AUTS2: variants seen among roughly 807,000 people sequenced by gnomAD.
AUTS2 encodes autism susceptibility gene 2 protein.
A neutral mutation model predicts 112.4 loss-of-function variants in AUTS2; 17 were observed. The observed-to-expected ratio is 0.15, with a 90% CI of 0.10 to 0.23. AUTS2 has a LOEUF of 0.23. AUTS2 is among the 10% of genes least tolerant of loss of function. The probability of loss-of-function intolerance (pLI) is 1.00; values close to 1 mark genes in which losing one functional copy is unlikely to be tolerated. For missense variants in AUTS2, 1,510 were observed against 1,701.6 expected (o/e 0.89, Z 1.98); for synonymous variants, 751 against 702.7 (o/e 1.07, Z -1.09).
intron 2 of AUTS2, among the ~76,000 whole-genome samples, chr7:70,108,632 G>A (rs1488663086): frequency 6.6e-6 from 1 of 151,664 alleles, no homozygotes; most frequent in Non-Finnish European, 1.5e-5. Flanking sequence ...ATCTGTAAAG[G>A]ACTCTGCTTT....
intron 4 of AUTS2, among the ~76,000 whole-genome samples, chr7:70,234,248 T>C (rs1307860705): frequency 1.3e-5 from 2 of 152,156 alleles, no homozygotes; most frequent in African/African-American, 4.8e-5. Context: ...CCAGTATGGA[T>C]ACTAAATGGG....
At chr7:69,870,382 A>G (rs1258683552) in intron 1 of AUTS2, among the ~76,000 whole-genome samples, 1 of 147,556 alleles carries the variant, frequency 6.8e-6, no homozygotes, top group East Asian at 2.0e-4. Flanking sequence ...GACTTAAGGA[A>G]TAATATTAAG....
intron 5 of AUTS2, among the ~76,000 whole-genome samples, chr7:70,639,567 T>A (rs1805702062): frequency 7.2e-6 from 1 of 138,906 alleles, no homozygotes; most frequent in Non-Finnish European, 1.5e-5. Flanking sequence ...CAGTGAGCTA[T>A]GATTACACCA....
intron 5 of AUTS2, among the ~76,000 whole-genome samples, chr7:70,582,740 A>G (rs1415987476): frequency 6.6e-6 from 1 of 152,208 alleles, no homozygotes; most frequent in Non-Finnish European, 1.5e-5. Flanking sequence ...TGAGCCTTCT[A>G]CAAGGCCAGA....
At chr7:70,704,068 G>A (rs1005244016) in intron 6 of AUTS2, among the ~76,000 whole-genome samples, 14 of 152,134 alleles carry the variant, frequency 9.2e-5, no homozygotes, top group African/African-American at 2.9e-4. Context: ...GAGCGTTCTT[G>A]GAAACAGATG....
Position 69,645,075 on chromosome 7 carries a change from A to ATTT in AUTS2, c.309+45127_309+45129dup, listed in dbSNP as rs34549998. Reference sequence around the variant, plus strand: ...TGGCACCTACCACCACACCCAGTTAATTTTTTTTTTTTTTTTGGTAGAGAT... The same window carrying ATTT: ...TGGCACCTACCACCACACCCAGTTAATTTTTTTTTTTTTTTTTTTGGTAGAGAT... On this transcript the variant is annotated intron_variant, in intron 1 of 18. Transcript: ENST00000342771. Among the ~76,000 whole-genome samples, 805 of 139,724 alleles carry ATTT rather than the reference A, an allele frequency of 5.8e-3. 14 individuals carry two copies. Among genetic ancestry groups the ATTT allele is most frequent in the Middle Eastern group, 0.018 (5 of 276 alleles). The allele number at this position is 139,724 out of a possible 152,430, so 91.7% of individuals were successfully genotyped here. A position where few individuals can be genotyped will look rare whatever the true frequency, so the allele number is the denominator to read the frequency against.
At chr7:69,673,525 T>A in intron 1 of AUTS2, among the ~76,000 whole-genome samples, 1 of 152,242 alleles carries the variant, frequency 6.6e-6, no homozygotes, top group Middle Eastern at 3.2e-3. Context: ...TATTGCTTCC[T>A]TCACTTATCC....
At position 70,758,818 on chromosome 7, in the gene AUTS2, C is replaced by G. The variant is rs147332244; in HGVS notation, c.743-4052C>G. Among the ~76,000 whole-genome samples, 234 of 152,190 alleles carry G rather than the reference C, an allele frequency of 1.5e-3. 1 individual carries two copies. Among genetic ancestry groups the G allele is most frequent in the Non-Finnish European group, 2.8e-3 (193 of 68,012 alleles). On this transcript the variant is annotated intron_variant, in intron 6 of 18. Coordinates refer to ENST00000342771, the MANE Select transcript of AUTS2 (RefSeq NM_015570.4). The stretch of plus-strand genomic sequence containing the variant: ...AAGTACAGTAAGACAAATTGACTGT[C>G]AAGATGGAAAAGCTTAACTGGGAAG...
intron 8 of AUTS2, among the ~76,000 whole-genome samples, chr7:70,765,312 C>T (rs376694315): frequency 2.6e-5 from 4 of 152,250 alleles, no homozygotes; most frequent in African/African-American, 9.6e-5. Flanking sequence ...TGTCCCGTGT[C>T]GTCTGGGCTC....
chr7:69,946,803 A>G (rs1018349049), intron 2 of AUTS2, among the ~76,000 whole-genome samples: 1 of 152,182 alleles, frequency 6.6e-6, no homozygotes, highest in African/African-American at 2.4e-5. Context: ...AAGTATATAA[A>G]GTGCTTTATG....
At position 70,118,208 on chromosome 7, in the gene AUTS2, G is replaced by A. The variant is rs1805486794; in HGVS notation, c.599G>A (p.Ser200Asn). 4 of 1,602,418 alleles carry A rather than the reference G, an allele frequency of 2.5e-6. No homozygotes were observed. The highest frequency in any genetic ancestry group is 1.1e-5 in the South Asian group (1 of 90,114). ...ASGESKGFHR[S>N]SSRERLSDSS... ...GGAGAATCCAAGGGCTTCCACCGGA[G>A]CAGCTCTCGGGAAAGGCTCAGTGAT... is the stretch of plus-strand genomic sequence containing the variant. The change falls in exon 3 of 19, where the codon AGC (serine) becomes AAC (asparagine). Residue 200 changes from serine to asparagine, a missense_variant. Physicochemically the swap from Ser to Asn is conservative, Grantham distance 46. Transcript: ENST00000342771.
chr7:70,772,098 C>T (rs948011459), intron 11 of AUTS2, among the ~76,000 whole-genome samples: 1 of 152,148 alleles, frequency 6.6e-6, no homozygotes, highest in Non-Finnish European at 1.5e-5. Context: ...CCTATGAATT[C>T]TCATTCTCCC....
intron 1 of AUTS2, among the ~76,000 whole-genome samples, chr7:69,827,366 C>T (rs1791295411): frequency 6.6e-6 from 1 of 151,992 alleles, no homozygotes; most frequent in Admixed American, 6.6e-5. Context: ...TGTGTGTTTG[C>T]GCAGCACACT....
intron 1 of AUTS2, among the ~76,000 whole-genome samples, chr7:69,872,329 A>C (rs549659122): frequency 2.0e-5 from 3 of 152,258 alleles, no homozygotes; most frequent in African/African-American, 7.2e-5. Context: ...ACATCAATCC[A>C]TTGTGCCTTT....
intron 4 of AUTS2, among the ~76,000 whole-genome samples, chr7:70,274,059 C>T (rs932634884): frequency 2.6e-5 from 4 of 151,902 alleles, no homozygotes; most frequent in Non-Finnish European, 5.9e-5. Context: ...CTTTGCTTTC[C>T]TCTCTTTTGA....
At chr7:69,775,523 C>A (rs557186465) in intron 1 of AUTS2, among the ~76,000 whole-genome samples, 12 of 152,104 alleles carry the variant, frequency 7.9e-5, no homozygotes, top group African/African-American at 2.9e-4. Context: ...TGAGTCAGGT[C>A]ACCTTATGTT....
At chr7:70,180,722 C>A (rs951207588) in intron 4 of AUTS2, among the ~76,000 whole-genome samples, 3 of 150,250 alleles carry the variant, frequency 2.0e-5, no homozygotes, top group Non-Finnish European at 4.4e-5. Context: ...TGCAGCTGCA[C>A]AAGCCTGTCG....
At chr7:70,123,085 A>G (rs1805773209) in intron 3 of AUTS2, among the ~76,000 whole-genome samples, 1 of 152,048 alleles carries the variant, frequency 6.6e-6, no homozygotes, top group Non-Finnish European at 1.5e-5. Context: ...CATGTTGGCC[A>G]GGCTGGTCTC....
At chr7:70,628,002 C>T (rs1232331289) in intron 5 of AUTS2, among the ~76,000 whole-genome samples, 2 of 152,154 alleles carry the variant, frequency 1.3e-5, no homozygotes, top group East Asian at 1.9e-4. Flanking sequence ...CCGTCTTTCA[C>T]CTGGCTGATG....
Sources: gnomAD v4.1 joint callset for allele counts (sites outside exome capture counted in the v4.1 genomes callset) on GRCh38, gnomAD v4.1.1 for gene constraint, MANE v1.5 for transcripts, NCBI Gene and HGNC (gene_info 2026-07-23, HGNC 2026-07-21) for gene names.